GALNT16: variants seen among roughly 807,000 people sequenced by gnomAD.
GALNT16 encodes UDP-GalNAc:polypeptide N-acetylgalactosaminyltransferase-like protein 1.
A neutral mutation model predicts 76.1 loss-of-function variants in GALNT16; 40 were observed. That is an observed-to-expected ratio of 0.53 (90% CI 0.41 to 0.68). GALNT16 has a LOEUF of 0.68. GALNT16 is among the 30% of genes least tolerant of loss of function. GALNT16 has a pLI of 0.00. For synonymous variants in GALNT16, 276 were observed against 285.2 expected (o/e 0.97, Z 0.32); for missense variants, 621 against 731.9 (o/e 0.85, Z 1.75).
intron 1 of GALNT16, among the ~76,000 whole-genome samples, chr14:69,272,601 T>A (rs1215649695): frequency 6.6e-6 from 1 of 152,294 alleles, no homozygotes; most frequent in African/African-American, 2.4e-5. Context: ...ACATGTACAG[T>A]GTTTATAAAG....
chr14:69,292,268 G>T (rs1470472184), intron 1 of GALNT16, among the ~76,000 whole-genome samples: 2 of 152,252 alleles, frequency 1.3e-5, no homozygotes, highest in Non-Finnish European at 2.9e-5. Context: ...CTCCCATCCA[G>T]GTTGCCTCAT....
downstream of GALNT16, among the ~76,000 whole-genome samples, chr14:69,360,472 A>G (rs2045717582): frequency 6.6e-6 from 1 of 151,890 alleles, no homozygotes; most frequent in African/African-American, 2.4e-5. Context: ...TACTAAAAAT[A>G]CAAAAATGAG....
intron 1 of GALNT16, among the ~76,000 whole-genome samples, chr14:69,263,771 G>T (rs1406671149): frequency 6.6e-6 from 1 of 152,192 alleles, no homozygotes; most frequent in Non-Finnish European, 1.5e-5. Flanking sequence ...CGGCCCAAGT[G>T]TCACCAATTT....
At chr14:69,303,379 T>C (rs1326464882) in intron 1 of GALNT16, among the ~76,000 whole-genome samples, 2 of 151,972 alleles carry the variant, frequency 1.3e-5, no homozygotes, top group Non-Finnish European at 2.9e-5. Flanking sequence ...TGATAAGAAA[T>C]AGGGTAGAGA....
At chr14:69,297,045 T>A (rs2044777303) in intron 1 of GALNT16, among the ~76,000 whole-genome samples, 1 of 152,264 alleles carries the variant, frequency 6.6e-6, no homozygotes, top group African/African-American at 2.4e-5. Flanking sequence ...AGCCACCTAC[T>A]GATGGACATT....
the GALNT16 span, among the ~76,000 whole-genome samples, chr14:69,366,465 C>T: frequency 1.1e-4 from 17 of 152,296 alleles, no homozygotes; most frequent in South Asian, 3.3e-3. Flanking sequence ...AAATGTCAGC[C>T]CTTACAGGGC....
At chr14:69,316,310 T>C (rs2045099649) in intron 1 of GALNT16, among the ~76,000 whole-genome samples, 1 of 152,198 alleles carries the variant, frequency 6.6e-6, no homozygotes, top group African/African-American at 2.4e-5. Context: ...ATTCAGTAGC[T>C]ATTGTTTTTG....
At chr14:69,370,482 C>G in the GALNT16 span, among the ~76,000 whole-genome samples, 2 of 152,206 alleles carry the variant, frequency 1.3e-5, no homozygotes, top group East Asian at 3.8e-4. Flanking sequence ...AGTGTTCCTA[C>G]TGGCTTTAGC....
intron 1 of GALNT16, among the ~76,000 whole-genome samples, chr14:69,279,587 C>T (rs1435040160): frequency 1.3e-5 from 2 of 152,256 alleles, no homozygotes; most frequent in Admixed American, 6.5e-5. Flanking sequence ...TTCCTGCCCT[C>T]AAGTTGCTCA....
chr14:69,316,782 G>T (rs1037154101), intron 1 of GALNT16, among the ~76,000 whole-genome samples: 1 of 139,592 alleles, frequency 7.2e-6, no homozygotes, highest in Non-Finnish European at 1.5e-5. Flanking sequence ...TGTGAGGGGG[G>T]GGGGCACTGA....
At position 69,342,535 on chromosome 14, in the gene GALNT16, GA is replaced by G. The variant is rs1566888502; in HGVS notation, c.1271+775del. On this transcript the variant is annotated intron_variant, in intron 12 of 14. Transcript: ENST00000448469. ...AAGGAAGGGGAGAGGGAGAGGAAAAGAAAAGAAAAGGAGAGAATCAACAATA... is the reference window on the plus strand; with the variant it reads ...AAGGAAGGGGAGAGGGAGAGGAAAAGAAAGAAAAGGAGAGAATCAACAATA... Among the ~76,000 whole-genome samples, 16 of 64,986 alleles carry G rather than the reference GA, an allele frequency of 2.5e-4. 1 individual carries two copies. The highest frequency in any genetic ancestry group is 3.9e-4 in the Non-Finnish European group (8 of 20,430). 42.6% of individuals were successfully genotyped at this position (64,986 alleles called of 152,430 possible).
Position 69,352,460 on chromosome 14 carries a change from C to A in GALNT16, c.*292C>A. 1 of 339,624 alleles carries A rather than the reference C, an allele frequency of 2.9e-6. No individual in the cohort carries two copies. The highest frequency in any genetic ancestry group is 5.4e-6 in the Non-Finnish European group (1 of 186,448). 21.0% of individuals were successfully genotyped at this position (339,624 alleles called of 1,614,324 possible). A position where few individuals can be genotyped will look rare whatever the true frequency, so the allele number is the denominator to read the frequency against. ...GGTGCCCCTGGCCCTTTGTCCTCTC[C>A]CTTGGCGCTTCTTGGGGCTGGGACA... On this transcript the variant is annotated 3_prime_UTR_variant, in exon 15 of 15. Coordinates refer to ENST00000448469, the MANE Select transcript of GALNT16 (RefSeq NM_001168368.2).
Position 69,328,702 on chromosome 14 carries a change from T to A in GALNT16, c.690+131T>A, listed in dbSNP as rs371722697. 71 of 822,008 alleles carry A rather than the reference T, an allele frequency of 8.6e-5. No individual in the cohort carries two copies. The East Asian group carries it at 1.4e-3, about 16-fold the overall frequency. The allele number at this position is 822,008 out of a possible 1,614,324, so 50.9% of individuals were successfully genotyped here. On this transcript the variant is annotated intron_variant, in intron 6 of 14. Coordinates refer to ENST00000448469, the MANE Select transcript of GALNT16 (RefSeq NM_001168368.2). ...GAAGCCCAAATAGTCTACTTCCCCC[T>A]GAGTGACTTCACCTTATTGAGTTTT...
intron 1 of GALNT16, among the ~76,000 whole-genome samples, chr14:69,271,727 T>A (rs2140104957): frequency 6.6e-6 from 1 of 152,382 alleles, no homozygotes; most frequent in East Asian, 1.9e-4. Context: ...TGTTTAGAAC[T>A]TCGGTATGTG....
At chr14:69,260,136 A>AAGCCCC, upstream of GALNT16, 2 of 113,994 alleles carry the variant, frequency 1.8e-5, 1 homozygote, top group Non-Finnish European at 3.5e-5. Flanking sequence ...TCTCCCTATC[A>AAGCCCC]CCCCCCCGCC....
intron 2 of GALNT16, among the ~76,000 whole-genome samples, chr14:69,322,213 C>T (rs1147469): frequency 0.074 from 11,262 of 152,318 alleles, 744 homozygotes; most frequent in East Asian, 0.32. Context: ...GCAAGGACAC[C>T]ACCAGGCCTG....
At chr14:69,269,006 A>G (rs1479231891) in intron 1 of GALNT16, among the ~76,000 whole-genome samples, 2 of 152,240 alleles carry the variant, frequency 1.3e-5, no homozygotes, top group African/African-American at 4.8e-5. Flanking sequence ...CTGTCCCTGA[A>G]TCATCAGGAA....
At chr14:69,295,209 T>C (rs904642219) in intron 1 of GALNT16, among the ~76,000 whole-genome samples, 3 of 151,264 alleles carry the variant, frequency 2.0e-5, no homozygotes, top group African/African-American at 7.3e-5. Context: ...AGCTCAGGAG[T>C]TCGAGACCAG....
At chr14:69,376,359 G>C in the GALNT16 span, among the ~76,000 whole-genome samples, 3 of 152,136 alleles carry the variant, frequency 2.0e-5, no homozygotes, top group East Asian at 3.9e-4. Flanking sequence ...TCCTCACCCT[G>C]TATGAGCTCT....
Sources: gnomAD v4.1 joint callset for allele counts (sites outside exome capture counted in the v4.1 genomes callset) on GRCh38, gnomAD v4.1.1 for gene constraint, MANE v1.5 for transcripts, NCBI Gene and HGNC (gene_info 2026-07-23, HGNC 2026-07-21) for gene names.